Variants in FAM107B observed in about 807,000 individuals in gnomAD.
FAM107B encodes the protein protein FAM107B.
A neutral mutation model predicts 31.5 loss-of-function variants in FAM107B; 21 were observed. That is an observed-to-expected ratio of 0.67 (90% CI 0.47 to 0.96). The LOEUF is 0.96. Ranked by LOEUF, FAM107B falls within the 40% of genes least tolerant of loss-of-function variation. The probability of loss-of-function intolerance (pLI) is 0.00; values close to 1 mark genes in which losing one functional copy is unlikely to be tolerated. For synonymous variants in FAM107B, 157 were observed against 141.5 expected (o/e 1.11, Z -0.78); for missense variants, 452 against 377.1 (o/e 1.20, Z -1.64).
chr10:14,543,454 G>A (rs1041005531), intron 2 of FAM107B, among the ~76,000 whole-genome samples: 2 of 152,014 alleles, frequency 1.3e-5, no homozygotes, highest in Non-Finnish European at 2.9e-5. Flanking sequence ...GCTCGGGAGA[G>A]AGGCACGGTG....
chr10:14,641,782 G>T (rs1453847369), intron 2 of FAM107B, among the ~76,000 whole-genome samples: 1 of 152,004 alleles, frequency 6.6e-6, no homozygotes, highest in Non-Finnish European at 1.5e-5. Context: ...AATTTGTGGT[G>T]GGGCAGGAGG....
chr10:14,732,533 G>A (rs1168073978), intron 1 of FAM107B, among the ~76,000 whole-genome samples: 4 of 152,036 alleles, frequency 2.6e-5, no homozygotes, highest in Non-Finnish European at 5.9e-5. Context: ...AGAAGCAAAT[G>A]TATGTAAAAG....
chr10:14,752,338 G>A (rs898760324), intron 1 of FAM107B, among the ~76,000 whole-genome samples: 1 of 152,232 alleles, frequency 6.6e-6, no homozygotes. Flanking sequence ...GAAGGACAGA[G>A]TGCCTGGAAG....
At chr10:14,738,796 A>G (rs923396227) in intron 1 of FAM107B, among the ~76,000 whole-genome samples, 4 of 152,162 alleles carry the variant, frequency 2.6e-5, no homozygotes, top group African/African-American at 9.7e-5. Flanking sequence ...CTAAGTTTCC[A>G]TTGATTATAT....
intron 1 of FAM107B, among the ~76,000 whole-genome samples, chr10:14,732,811 A>G (rs1303232303): frequency 1.4e-5 from 2 of 147,386 alleles, no homozygotes; most frequent in African/African-American, 4.9e-5. Context: ...CATTATAATT[A>G]TATGTATTAT....
chr10:14,529,652 A>C (rs937195162), intron 3 of FAM107B: 5 of 152,110 alleles, frequency 3.3e-5, no homozygotes, highest in African/African-American at 1.2e-4. Context: ...AAATTGAAAA[A>C]AATAGCCTTT....
intron 1 of FAM107B, among the ~76,000 whole-genome samples, chr10:14,710,546 A>G (rs1158634928): frequency 6.6e-6 from 1 of 152,048 alleles, no homozygotes; most frequent in East Asian, 1.9e-4. Context: ...TTTATTGCAT[A>G]ATGACATTTT....
intron 1 of FAM107B, among the ~76,000 whole-genome samples, chr10:14,720,333 A>C (rs139836358): frequency 2.8e-3 from 430 of 152,282 alleles, no homozygotes; most frequent in African/African-American, 0.01. Flanking sequence ...GGCTCACTGC[A>C]ACCTCCGCCT....
intron 2 of FAM107B, among the ~76,000 whole-genome samples, chr10:14,622,220 T>C (rs1322173741): frequency 6.6e-6 from 1 of 152,050 alleles, no homozygotes; most frequent in Non-Finnish European, 1.5e-5. Flanking sequence ...CTCAGCAGAC[T>C]TACAGCCTAG....
At chr10:14,717,092 ATAAAAATTAAAAAT>A (rs1304080883) in intron 1 of FAM107B, among the ~76,000 whole-genome samples, 1 of 152,176 alleles carries the variant, frequency 6.6e-6, no homozygotes, top group Non-Finnish European at 1.5e-5. Context: ...TGTCTCAAAA[ATAAAAATTAAAAAT>A]TAAAAATTAA....
In FAM107B at chr10:14,539,715, G is replaced by T. The variant is rs183704746; in HGVS notation, c.470-9200C>A. Reference sequence around the variant, plus strand: ...GGGAAGGAGGTAAAAATGGCTTAAGGGGGGAATAAAATCCTTCAAGGGCCC... The same window carrying T: ...GGGAAGGAGGTAAAAATGGCTTAAGTGGGGAATAAAATCCTTCAAGGGCCC... On this transcript the variant is annotated intron_variant, in intron 2 of 4. Coordinates refer to ENST00000181796, the MANE Select transcript of FAM107B (RefSeq NM_031453.4). Among the ~76,000 whole-genome samples, 3 of 152,134 alleles carry T rather than the reference G, an allele frequency of 2.0e-5. 1 individual carries two copies. The highest frequency in any genetic ancestry group is 3.9e-4 in the East Asian group (2 of 5,192).
intron 2 of FAM107B, among the ~76,000 whole-genome samples, chr10:14,636,326 T>TGA (rs150271632): frequency 2.6e-4 from 37 of 141,128 alleles, no homozygotes; most frequent in Admixed American, 8.5e-4. Flanking sequence ...AGAGAGCAAG[T>TGA]GAGAGAGAGA....
chr10:14,671,620 C>T (rs528592698), intron 1 of FAM107B, among the ~76,000 whole-genome samples: 1 of 152,234 alleles, frequency 6.6e-6, no homozygotes, highest in Non-Finnish European at 1.5e-5. Context: ...CTCTGGACTT[C>T]TGGGAAAATG....
At chr10:14,631,412 G>T (rs542087547) in intron 2 of FAM107B, among the ~76,000 whole-genome samples, 1 of 152,336 alleles carries the variant, frequency 6.6e-6, no homozygotes, top group Non-Finnish European at 1.5e-5. Flanking sequence ...TGTTTAAACA[G>T]AAGAGATGAA....
At chr10:14,663,321 C>T (rs1854299257) in intron 2 of FAM107B, 1 of 152,194 alleles carries the variant, frequency 6.6e-6, no homozygotes, top group Admixed American at 6.5e-5. Flanking sequence ...TTAGTTCTGT[C>T]CCTCTAGAGA....
intron 1 of FAM107B, among the ~76,000 whole-genome samples, chr10:14,691,424 C>G (rs1855131532): frequency 6.6e-6 from 1 of 152,152 alleles, no homozygotes; most frequent in Non-Finnish European, 1.5e-5. Context: ...GCTCCCTCGC[C>G]CTGCTGAGTG....
At chr10:14,638,041 G>C (rs10906724) in intron 2 of FAM107B, among the ~76,000 whole-genome samples, 40,172 of 152,028 alleles carry the variant, frequency 0.26, 5,738 homozygotes, top group East Asian at 0.5. Flanking sequence ...CACTAAGTTT[G>C]TGGTAATATG....
intron 1 of FAM107B, among the ~76,000 whole-genome samples, chr10:14,745,948 G>T (rs549154384): frequency 6.6e-6 from 1 of 152,234 alleles, no homozygotes; most frequent in Non-Finnish European, 1.5e-5. Flanking sequence ...CTCTTTGTAG[G>T]TCACTAAGAA....
At chr10:14,737,405 G>A (rs1345078461) in intron 1 of FAM107B, among the ~76,000 whole-genome samples, 1 of 152,080 alleles carries the variant, frequency 6.6e-6, no homozygotes. Context: ...CTGAGCTCAG[G>A]AGTTGGGGAC....
Sources: allele counts gnomAD v4.1 joint callset (sites outside exome capture counted in the v4.1 genomes callset), GRCh38; gene constraint gnomAD v4.1.1; transcripts MANE v1.5; gene names NCBI Gene and HGNC (gene_info 2026-07-23, HGNC 2026-07-21).